Variants in HFM1 observed in about 807,000 individuals in gnomAD.
HFM1 encodes the protein helicase for meiosis 1, also known as probable ATP-dependent DNA helicase HFM1.
In HFM1, 169 loss-of-function variants were observed where a neutral mutation model predicts 192.1. The observed-to-expected ratio is 0.88, with a 90% CI of 0.78 to 1.00. The LOEUF (loss-of-function observed/expected upper bound fraction) is 1.00. Ranked by LOEUF, HFM1 falls within the 50% of genes least tolerant of loss-of-function variation. HFM1 has a pLI of 0.00. For synonymous variants in HFM1, 525 were observed against 537.8 expected (o/e 0.98, Z 0.33); for missense variants, 1,661 against 1,668.0 (o/e 1.00, Z 0.07).
intron 25 of HFM1, among the ~76,000 whole-genome samples, chr1:91,317,999 C>T (rs1037483472): frequency 2.6e-5 from 4 of 152,004 alleles, no homozygotes. Flanking sequence ...ATTGACAATA[C>T]TCTAGAAAGC....
intron 30 of HFM1, among the ~76,000 whole-genome samples, chr1:91,302,626 C>T (rs865957867): frequency 3.0e-4 from 45 of 152,068 alleles, no homozygotes; most frequent in African/African-American, 1.1e-3. Flanking sequence ...AGTTCATGTC[C>T]TTTGTAGGGA....
In HFM1 at chr1:91,351,596, C is replaced by T. The variant is rs760070042; in HGVS notation, c.2025G>A (p.Arg675=). 6.2e-7 allele frequency: 1 copy of T among 1,603,304 alleles called. No homozygotes were observed. Among genetic ancestry groups the T allele is most frequent in the Non-Finnish European group, 8.5e-7 (1 of 1,174,532 alleles). ...TAVIMTRLST[R]DKYIQMLACR... The stretch of plus-strand genomic sequence containing the variant: ...AAGCTAACATCTGAATGTACTTGTC[C>T]CTTGTGCTTAATCGAGTCATGATAA... Residue 675 remains arginine (R), a synonymous_variant, in exon 17 of 39, where the codon AGG becomes AGA. Coordinates refer to ENST00000370425, the MANE Select transcript of HFM1 (RefSeq NM_001017975.6).
intron 23 of HFM1, among the ~76,000 whole-genome samples, chr1:91,322,288 T>C (rs1375854135): frequency 6.6e-6 from 1 of 152,144 alleles, no homozygotes; most frequent in Non-Finnish European, 1.5e-5. Flanking sequence ...CTCCTCTAGC[T>C]ATGGAGGAAA....
intron 36 of HFM1, among the ~76,000 whole-genome samples, chr1:91,263,065 G>T (rs1333373165): frequency 6.6e-6 from 1 of 152,020 alleles, no homozygotes; most frequent in South Asian, 2.1e-4. Context: ...ACTATTATAT[G>T]CCAGATATTG....
At chr1:91,295,531 C>G (rs902515015) in intron 30 of HFM1, among the ~76,000 whole-genome samples, 2 of 152,134 alleles carry the variant, frequency 1.3e-5, no homozygotes, top group Admixed American at 1.3e-4. Context: ...ACTAAGGAAC[C>G]CTATTTTAAT....
intron 20 of HFM1, among the ~76,000 whole-genome samples, chr1:91,338,258 T>C (rs1654854925): frequency 6.6e-6 from 1 of 152,186 alleles, no homozygotes; most frequent in Non-Finnish European, 1.5e-5. Flanking sequence ...GGCACAGGAA[T>C]GGCTACAGTG....
chr1:91,375,204 A>G (rs753265146), intron 13 of HFM1, among the ~76,000 whole-genome samples, 154 bp downstream of exon 13: 3 of 152,124 alleles, frequency 2.0e-5, no homozygotes, highest in Non-Finnish European at 4.4e-5. Flanking sequence ...AAGATTCACT[A>G]TCTCACTTAA....
chr1:91,300,894 T>C (rs77587688), intron 30 of HFM1, among the ~76,000 whole-genome samples: 106,118 of 151,696 alleles, frequency 0.7, 37,378 homozygotes, highest in East Asian at 0.83. Context: ...ATGCCCTCTC[T>C]CACCACTCCT....
At position 91,277,005 on chromosome 1, in the gene HFM1, T is replaced by C. The variant is rs745836745; in HGVS notation, c.3449A>G (p.Lys1150Arg). The C allele has an allele frequency of 1.4e-5, 22 of 1,597,000 alleles. No homozygotes were observed. Among genetic ancestry groups the C allele is most frequent in the Non-Finnish European group, 1.9e-5 (22 of 1,172,020 alleles). The change falls in exon 31 of 39, where the codon AAA (lysine) becomes AGA (arginine). Residue 1150 changes from lysine (K) to arginine (R), a missense_variant. Lys to Arg is a conservative substitution (Grantham distance 26, BLOSUM62 2). Coordinates refer to ENST00000370425, the MANE Select transcript of HFM1 (RefSeq NM_001017975.6). ...ACAGCAGTCATGTCCACATGTATGT[T>C]TACTTTTACAAAGATGATTGCATTC... ...NRECNHLCKS[K>R]HTCGHDCCKI...
chr1:91,315,896 TTA>T lies in HFM1; in HGVS notation c.3057_3058del (p.Arg1021AsnfsTer14). ...ATAGTGAGAATCCGATGCTGTTCTT[TTA>T]GTTTGTAGCTGTTCAAAATTTCTTA... On this transcript the variant is annotated frameshift_variant, in exon 28 of 39. Transcript: ENST00000370425. LOFTEE classifies it high-confidence loss of function. The T allele has an allele frequency of 1.9e-6, 3 of 1,609,222 alleles. No individual in the cohort carries two copies. Among genetic ancestry groups the T allele is most frequent in the East Asian group, 4.5e-5 (2 of 44,744 alleles).
At chr1:91,331,565 A>G (rs1346713012) in intron 20 of HFM1, among the ~76,000 whole-genome samples, 1 of 152,234 alleles carries the variant, frequency 6.6e-6, no homozygotes, top group Non-Finnish European at 1.5e-5. Flanking sequence ...AATATCTAGG[A>G]ATTAATGAAA....
chr1:91,286,993 C>T (rs552951618), intron 30 of HFM1, among the ~76,000 whole-genome samples: 2 of 152,312 alleles, frequency 1.3e-5, no homozygotes, highest in South Asian at 2.1e-4. Flanking sequence ...TATCCCGCAC[C>T]TGGCTCAGAG....
intron 13 of HFM1, among the ~76,000 whole-genome samples, chr1:91,354,232 A>G (rs780840091): frequency 6.6e-6 from 1 of 151,830 alleles, no homozygotes; most frequent in Non-Finnish European, 1.5e-5. Context: ...CAAAACAAGC[A>G]GAAGAAAGAA....
intron 20 of HFM1, among the ~76,000 whole-genome samples, chr1:91,342,029 C>G (rs189627283): frequency 1.3e-5 from 2 of 151,320 alleles, no homozygotes; most frequent in East Asian, 3.9e-4. Flanking sequence ...AGAGCTGGCA[C>G]CAATCCTACT....
At chr1:91,292,929 C>T (rs1205378381) in intron 30 of HFM1, among the ~76,000 whole-genome samples, 1 of 152,024 alleles carries the variant, frequency 6.6e-6, no homozygotes, top group Non-Finnish European at 1.5e-5. Flanking sequence ...CTTTGACAAA[C>T]CCGACAAAAA....
chr1:91,388,565 A>T (rs916630204), intron 4 of HFM1, among the ~76,000 whole-genome samples: 1 of 152,210 alleles, frequency 6.6e-6, no homozygotes, highest in Admixed American at 6.5e-5. Context: ...AAAGAATGAG[A>T]ATGAACTCCT....
intron 6 of HFM1, among the ~76,000 whole-genome samples, chr1:91,383,997 A>C (rs1173834863): frequency 6.6e-6 from 1 of 152,196 alleles, no homozygotes; most frequent in African/African-American, 2.4e-5. Context: ...AATAAAAATA[A>C]AATAAAAAAA....
chr1:91,351,623 T>G lies in HFM1; in HGVS notation c.1998A>C (p.Ala666=), dbSNP rs1203369404. The change falls in exon 17 of 39, where the codon GCA becomes GCC. Residue 666 remains alanine (A), a synonymous_variant. Transcript: ENST00000370425. ...GRPQFDTTAT[A]VIMTRLSTRD... ...TTGTGCTTAATCGAGTCATGATAAC[T>G]GCAGTAGCTGTAGTGTCAAACTGGG... The G allele has an allele frequency of 8.1e-6, 13 of 1,596,966 alleles. No individual in the cohort carries two copies. In the Admixed American group the frequency reaches 1.2e-4, roughly 15 times the overall value.
chr1:91,392,994 TTAA>T (rs1170445995), intron 4 of HFM1, among the ~76,000 whole-genome samples: 5 of 152,120 alleles, frequency 3.3e-5, no homozygotes, highest in Admixed American at 6.5e-5. Context: ...TTAAAATTAG[TTAA>T]TAATGATGGT....
Sources: gnomAD v4.1 joint callset for allele counts (sites outside exome capture counted in the v4.1 genomes callset) on GRCh38, gnomAD v4.1.1 for gene constraint, MANE v1.5 for transcripts, NCBI Gene and HGNC (gene_info 2026-07-23, HGNC 2026-07-21) for gene names.